PKHD1L1: variants seen among roughly 807,000 people sequenced by gnomAD.
PKHD1L1 encodes the protein PKHD1 like 1.
Under a neutral mutation model 462.9 loss-of-function variants are expected in PKHD1L1, and 434 were observed. That is an observed-to-expected ratio of 0.94 (90% CI 0.87 to 1.02). The LOEUF is 1.02. PKHD1L1 is among the 50% of genes least tolerant of loss of function. The probability of loss-of-function intolerance (pLI) is 0.00; values close to 1 mark genes in which losing one functional copy is unlikely to be tolerated. For missense variants in PKHD1L1, 5,202 were observed against 5,096.1 expected, an observed-to-expected ratio of 1.02 and a Z score of -0.63; for synonymous variants, 1,781 against 1,750.0, an observed-to-expected ratio of 1.02 and a Z score of -0.44.
intron 50 of PKHD1L1, among the ~76,000 whole-genome samples, chr8:109,467,782 A>G (rs1817527081): frequency 6.6e-6 from 1 of 152,198 alleles, no homozygotes; most frequent in Non-Finnish European, 1.5e-5. Context: ...GCTAAACAAA[A>G]TCTTTATATC....
chr8:109,364,760 A>G, intron 2 of PKHD1L1, 124 bp downstream of exon 2: 1 of 668,662 alleles, frequency 1.5e-6, no homozygotes, highest in Non-Finnish European at 2.5e-6. Flanking sequence ...TCACTTGGCC[A>G]GAATAGTAAA....
chr8:109,400,530 T>C (rs1402704142), intron 13 of PKHD1L1, among the ~76,000 whole-genome samples, 186 bp downstream of exon 13: 1 of 152,068 alleles, frequency 6.6e-6, no homozygotes, highest in African/African-American at 2.4e-5. Flanking sequence ...ACCTATAGCC[T>C]ACAAGAAAAT....
chr8:109,467,913 A>G (rs1167478952), intron 50 of PKHD1L1, among the ~76,000 whole-genome samples: 1 of 151,874 alleles, frequency 6.6e-6, no homozygotes, highest in East Asian at 1.9e-4. Context: ...GTAAGTATAG[A>G]AAAAGAGTTT....
chr8:109,496,321 T>G (rs1353265952), intron 63 of PKHD1L1, among the ~76,000 whole-genome samples: 1 of 152,176 alleles, frequency 6.6e-6, no homozygotes, highest in Admixed American at 6.5e-5. Context: ...TTATATTGTA[T>G]CAGGTATTTA....
intron 68 of PKHD1L1, among the ~76,000 whole-genome samples, chr8:109,506,336 C>G (rs1221375232): frequency 6.6e-6 from 1 of 152,124 alleles, no homozygotes; most frequent in South Asian, 2.1e-4. Flanking sequence ...TCCCACCAGC[C>G]TGCAGTCCCT....
At chr8:109,499,996 G>C (rs941074922) in intron 67 of PKHD1L1, among the ~76,000 whole-genome samples, 1 of 152,150 alleles carries the variant, frequency 6.6e-6, no homozygotes. Context: ...TTGATTTCCC[G>C]GGTATGTGGC....
chr8:109,373,906 G>A (rs1355341847), intron 2 of PKHD1L1, among the ~76,000 whole-genome samples: 1 of 152,128 alleles, frequency 6.6e-6, no homozygotes, highest in Non-Finnish European at 1.5e-5. Context: ...ATTTGCTGAG[G>A]AGTGCTTTAC....
chr8:109,477,104 T>C, intron 52 of PKHD1L1, 121 bp from the exon 53 acceptor site: 1 of 851,926 alleles, frequency 1.2e-6, no homozygotes, highest in South Asian at 1.6e-5. Context: ...ACCTCTTCCA[T>C]ACATGTGAAT....
chr8:109,374,482 A>G (rs201205486), intron 2 of PKHD1L1, among the ~76,000 whole-genome samples: 1 of 152,104 alleles, frequency 6.6e-6, no homozygotes, highest in Non-Finnish European at 1.5e-5. Context: ...TTTTAATTGG[A>G]GCATTTAGCC....
intron 70 of PKHD1L1, among the ~76,000 whole-genome samples, chr8:109,508,544 T>C (rs1239078673): frequency 6.6e-6 from 1 of 152,062 alleles, no homozygotes; most frequent in Non-Finnish European, 1.5e-5. Flanking sequence ...AAGTTATTTC[T>C]GGAGTGATCT....
intron 77 of PKHD1L1, among the ~76,000 whole-genome samples, chr8:109,528,135 G>C (rs1820907915): frequency 6.6e-6 from 1 of 152,180 alleles, no homozygotes; most frequent in South Asian, 2.1e-4. Flanking sequence ...CATTGCATTA[G>C]CAACACATGA....
At chr8:109,465,391 C>A in intron 49 of PKHD1L1, 146 bp downstream of exon 49, 1 of 857,372 alleles carries the variant, frequency 1.2e-6, no homozygotes, top group Middle Eastern at 3.0e-4. Flanking sequence ...TAGAGGCAAG[C>A]ACCAGGCACA....
chr8:109,492,125 ATTT>A lies in PKHD1L1; in HGVS notation c.10236+142_10236+144del, dbSNP rs371007060. ...ATGATGTAAGTTTCGATGGCCATTG[ATTT>A]TTTTTTTTTTCTGTCAATGTCTATT... On this transcript the variant is annotated intron_variant, in intron 62 of 77. Transcript: ENST00000378402. The A allele has an allele frequency of 3.6e-5, 18 of 500,928 alleles. 1 individual carries two copies. The highest frequency in any genetic ancestry group is 5.0e-5 in the Non-Finnish European group (17 of 337,622). The allele number at this position is 500,928 out of a possible 1,614,324, so 31.0% of individuals were successfully genotyped here.
intron 5 of PKHD1L1, 44 bp downstream of exon 5, chr8:109,384,171 A>G (rs1812311629): frequency 2.2e-6 from 3 of 1,350,986 alleles, no homozygotes; most frequent in Non-Finnish European, 3.1e-6. Context: ...TTCATGGTAA[A>G]TAATGTGTTT....
intron 43 of PKHD1L1, among the ~76,000 whole-genome samples, chr8:109,453,695 A>T (rs1334793082): frequency 6.6e-6 from 1 of 152,224 alleles, no homozygotes; most frequent in African/African-American, 2.4e-5. Context: ...GTATCTTGGT[A>T]TGATCTTTAA....
chr8:109,386,038 G>A (rs1327556491), intron 6 of PKHD1L1, among the ~76,000 whole-genome samples: 1 of 152,150 alleles, frequency 6.6e-6, no homozygotes, highest in Non-Finnish European at 1.5e-5. Context: ...GTAGAACACA[G>A]TCTCGTAACA....
At chr8:109,475,619 C>A (rs1817941794) in intron 51 of PKHD1L1, among the ~76,000 whole-genome samples, 1 of 151,424 alleles carries the variant, frequency 6.6e-6, no homozygotes, top group African/African-American at 2.4e-5. Flanking sequence ...TCAAACATAC[C>A]TGAGGTCAAG....
chr8:109,499,480 T>C (rs991786820), intron 67 of PKHD1L1, among the ~76,000 whole-genome samples: 1 of 152,214 alleles, frequency 6.6e-6, no homozygotes, highest in South Asian at 2.1e-4. Context: ...TTAATTGCAA[T>C]GCTCATACCC....
intron 53 of PKHD1L1, among the ~76,000 whole-genome samples, chr8:109,479,284 G>C (rs1271696030): frequency 6.6e-6 from 1 of 152,086 alleles, no homozygotes; most frequent in Admixed American, 6.6e-5. Context: ...TCCCAGCCCA[G>C]GGGCTTAATG....
Sources: gnomAD v4.1 joint callset for allele counts (sites outside exome capture counted in the v4.1 genomes callset) on GRCh38, gnomAD v4.1.1 for gene constraint, MANE v1.5 for transcripts, NCBI Gene and HGNC (gene_info 2026-07-23, HGNC 2026-07-21) for gene names.